The following DCAF8L2 variants were observed in gnomAD, a reference collection of about 807,000 sequenced individuals.
DCAF8L2 encodes the protein DDB1 and CUL4 associated factor 8 like 2, also known as DDB1- and CUL4-associated factor 8-like protein 2.
For synonymous variants in DCAF8L2, 200 were observed against 190.9 expected (o/e 1.05, Z -0.39); for missense variants, 430 against 490.7 (o/e 0.88, Z 1.17).
chrX:27,567,546 C>CATATATATATATATATAT, the DCAF8L2 span, among the ~76,000 whole-genome samples: 2 of 29,630 alleles, frequency 6.7e-5, no homozygotes, highest in African/African-American at 2.4e-4. Context: ...ACCACTGTAG[C>CATATATATATATATATAT]ATATATATAT....
chrX:27,717,992 A>G (rs1005260078), intron 4 of DCAF8L2, among the ~76,000 whole-genome samples: 2 of 112,152 alleles, frequency 1.8e-5, no homozygotes, highest in Non-Finnish European at 3.8e-5. Context: ...CTATTTTACT[A>G]TTGTTAACAA....
chrX:27,589,288 G>C (rs1284730082), upstream of DCAF8L2, among the ~76,000 whole-genome samples: 1 of 111,682 alleles, frequency 9.0e-6, no homozygotes, highest in Non-Finnish European at 1.9e-5. Flanking sequence ...GTATTAGAAA[G>C]CTGTTTATCA....
chrX:27,523,762 C>A, the DCAF8L2 span, among the ~76,000 whole-genome samples: 89 of 109,297 alleles, frequency 8.1e-4, 1 homozygote, highest in African/African-American at 2.9e-3. Context: ...TGCTATCTCT[C>A]CCCCGTCCCC....
chrX:27,526,961 A>G, the DCAF8L2 span, among the ~76,000 whole-genome samples: 1 of 112,155 alleles, frequency 8.9e-6, no homozygotes, highest in East Asian at 2.8e-4. Flanking sequence ...CAGTTAGGCT[A>G]CTCAGGGGTC....
At chrX:27,686,353 T>A (rs187565639) in intron 3 of DCAF8L2, among the ~76,000 whole-genome samples, 1 of 111,498 alleles carries the variant, frequency 9.0e-6, no homozygotes, top group African/African-American at 3.3e-5. Context: ...AATAGATGAA[T>A]GGATGAAGAA....
chrX:27,548,931 T>G, the DCAF8L2 span, among the ~76,000 whole-genome samples: 10 of 111,781 alleles, frequency 8.9e-5, no homozygotes, highest in East Asian at 2.8e-3. Flanking sequence ...TTTAGCGTAA[T>G]AAATTTGGAA....
chrX:27,601,073 G>A (rs900818588), intron 1 of DCAF8L2, among the ~76,000 whole-genome samples: 2 of 110,958 alleles, frequency 1.8e-5, no homozygotes, highest in Admixed American at 1.9e-4. Flanking sequence ...AGGTAGCTGG[G>A]ACTACAAGTG....
chrX:27,506,051 A>T, the DCAF8L2 span, among the ~76,000 whole-genome samples: 91 of 112,541 alleles, frequency 8.1e-4, 3 homozygotes, highest in African/African-American at 2.8e-3. Flanking sequence ...CTAAGGCCTG[A>T]AATAACCTTG....
chrX:27,488,286 G>A, the DCAF8L2 span, among the ~76,000 whole-genome samples: 3 of 110,845 alleles, frequency 2.7e-5, no homozygotes, highest in African/African-American at 6.6e-5. Context: ...TCCCATTTGT[G>A]TATCTTCTTG....
intron 4 of DCAF8L2, among the ~76,000 whole-genome samples, chrX:27,730,507 C>T (rs1388547829): frequency 9.1e-6 from 1 of 110,338 alleles, no homozygotes; most frequent in Non-Finnish European, 1.9e-5. Context: ...AACCTCTGCC[C>T]CCCGGTTTAA....
At chrX:27,511,640 G>A in the DCAF8L2 span, among the ~76,000 whole-genome samples, 1 of 111,975 alleles carries the variant, frequency 8.9e-6, no homozygotes, top group African/African-American at 3.2e-5. Flanking sequence ...ATAAGTTCTG[G>A]CTCTGCCACT....
intron 3 of DCAF8L2, among the ~76,000 whole-genome samples, chrX:27,699,385 A>G (rs944227482): frequency 1.8e-5 from 2 of 112,030 alleles, no homozygotes; most frequent in Non-Finnish European, 3.8e-5. Flanking sequence ...CAAGGGAGGG[A>G]AAAGTAAGAG....
At chrX:27,654,276 T>C (rs1476262146) in intron 2 of DCAF8L2, among the ~76,000 whole-genome samples, 1 of 111,489 alleles carries the variant, frequency 9.0e-6, no homozygotes, top group African/African-American at 3.3e-5. Flanking sequence ...AAACCTTTGT[T>C]GTTTCAAACA....
chrX:27,501,576 A>T, the DCAF8L2 span, among the ~76,000 whole-genome samples: 1 of 111,432 alleles, frequency 9.0e-6, no homozygotes, highest in Non-Finnish European at 1.9e-5. Context: ...GATTAGAGAA[A>T]TAAGCCCAAA....
chrX:27,538,504 C>T, the DCAF8L2 span, among the ~76,000 whole-genome samples: 6 of 110,579 alleles, frequency 5.4e-5, no homozygotes, highest in Non-Finnish European at 1.9e-5. Context: ...AGTGATTCTC[C>T]TGCCTCAGCC....
chrX:27,516,511 CTCT>C, the DCAF8L2 span, among the ~76,000 whole-genome samples: 1 of 109,248 alleles, frequency 9.2e-6, no homozygotes, highest in Admixed American at 1.0e-4. Context: ...CTCTCTCTCT[CTCT>C]TATTCTCTCT....
At chrX:27,598,304 C>T (rs1407084610) in intron 1 of DCAF8L2, among the ~76,000 whole-genome samples, 3 of 112,181 alleles carry the variant, frequency 2.7e-5, no homozygotes, top group Admixed American at 9.4e-5. Flanking sequence ...GTATAATGGT[C>T]GAAAAATTTA....
chrX:27,613,262 G>A (rs1306542689), intron 1 of DCAF8L2, among the ~76,000 whole-genome samples: 2 of 111,133 alleles, frequency 1.8e-5, no homozygotes, highest in Non-Finnish European at 1.9e-5. Flanking sequence ...GTCTGTTATT[G>A]GTGTATAGGA....
the DCAF8L2 span, among the ~76,000 whole-genome samples, chrX:27,479,366 G>C: frequency 9.0e-6 from 1 of 111,306 alleles, no homozygotes; most frequent in Non-Finnish European, 1.9e-5. Context: ...TGAGCCAGCA[G>C]ATAGATATAA....
Sources: gnomAD v4.1 joint callset for allele counts (sites outside exome capture counted in the v4.1 genomes callset) on GRCh38, gnomAD v4.1.1 for gene constraint, MANE v1.5 for transcripts, NCBI Gene and HGNC (gene_info 2026-07-23, HGNC 2026-07-21) for gene names.